The following DEAF1 variants were observed in gnomAD, a reference collection of about 807,000 sequenced individuals.
The protein encoded by DEAF1 is DEAF1 transcription factor.
A neutral mutation model predicts 58.9 loss-of-function variants in DEAF1; 53 were observed. The ratio of observed to expected loss-of-function variants is 0.90; its 90% confidence interval spans 0.72 to 1.13. The LOEUF (loss-of-function observed/expected upper bound fraction) is 1.13. DEAF1 is among the 50% of genes most tolerant of loss of function. DEAF1 has a pLI of 0.00. For synonymous variants in DEAF1, 385 were observed against 340.4 expected (o/e 1.13, Z -1.44); for missense variants, 685 against 791.4 (o/e 0.87, Z 1.61).
At chr11:698,886 G>T (rs200935304), upstream of DEAF1, 46 of 1,614,132 alleles carry the variant, frequency 2.8e-5, no homozygotes, top group African/African-American at 4.4e-4. Flanking sequence ...ATCCTCCACA[G>T]TGGTATCCTG....
intron 10 of DEAF1, among the ~76,000 whole-genome samples, chr11:663,026 C>G (rs1859382150): frequency 6.6e-6 from 1 of 152,226 alleles, no homozygotes; most frequent in African/African-American, 2.4e-5. Context: ...TACTACTGGC[C>G]TGGGGGCCAG....
At chr11:665,421 C>T (rs964228244) in intron 10 of DEAF1, among the ~76,000 whole-genome samples, 3 of 152,192 alleles carry the variant, frequency 2.0e-5, no homozygotes, top group South Asian at 2.1e-4. Context: ...GGGAACACAT[C>T]GCTTCTAACA....
chr11:656,303 T>C (rs1038492426), intron 10 of DEAF1, among the ~76,000 whole-genome samples: 2 of 151,960 alleles, frequency 1.3e-5, no homozygotes, highest in African/African-American at 4.8e-5. Context: ...TTATAGGCGC[T>C]TGCCACCATG....
chr11:699,115 C>T (rs1861330876), upstream of DEAF1: 1 of 530,234 alleles, frequency 1.9e-6, no homozygotes, highest in Admixed American at 3.2e-5. Context: ...GCTAAGCACG[C>T]CACACTGCCG....
intron 1 of DEAF1, among the ~76,000 whole-genome samples, chr11:705,609 C>T (rs1377288689): frequency 5.9e-5 from 9 of 152,134 alleles, no homozygotes; most frequent in Non-Finnish European, 1.3e-4. Flanking sequence ...ACTCAGGGCT[C>T]CAGGCCTGGG....
chr11:670,934 T>TTTTTTTTG lies in DEAF1; in HGVS notation c.1503+3601_1503+3602insCAAAAAAA, dbSNP rs1554940511. Among the ~76,000 whole-genome samples the TTTTTTTTG allele has an allele frequency of 3.0e-5, 4 of 135,470 alleles. 1 individual carries two copies. The highest frequency in any genetic ancestry group is 4.7e-5 in the Non-Finnish European group (3 of 63,354). The allele number at this position is 135,470 out of a possible 152,430, so 88.9% of individuals were successfully genotyped here. ...CATGTCACCACACCTGGCTAATGTTTTTTTTTTTTTTTGAGACAGAGTCTC... is the reference window on the plus strand; with the variant it reads ...CATGTCACCACACCTGGCTAATGTTTTTTTTTTGTTTTTTTTTTTTGAGACAGAGTCTC... On this transcript the variant is annotated intron_variant, in intron 10 of 11. Transcript: ENST00000382409.
chr11:685,086 T>A, intron 5 of DEAF1, 123 bp from the exon 6 acceptor site: 1 of 734,540 alleles, frequency 1.4e-6, no homozygotes, highest in Non-Finnish European at 2.1e-6. Context: ...AAAATTCTTT[T>A]TTTTTTTTTT....
intron 1 of DEAF1, chr11:703,979 C>T: frequency 8.1e-7 from 1 of 1,227,798 alleles, no homozygotes; most frequent in South Asian, 4.0e-5. Context: ...ACTATCAGTT[C>T]TCCTTAAAAA....
intron 7 of DEAF1, 190 bp from the exon 8 acceptor site, chr11:680,006 A>AGGATGACCC: frequency 3.0e-6 from 2 of 667,308 alleles, no homozygotes; most frequent in Non-Finnish European, 2.6e-6. Context: ...GGAGAAAACC[A>AGGATGACCC]GGATGGCCAG....
rs891949482 is a variant in DEAF1 at position 644,796 on chromosome 11, C to T, written c.1594-142G>A. ...GAGAATGCCCTCCCCAGCCCCCGTG[C>T]GCCCAAACTCTGGTGGGCTCTGCTC... On this transcript the variant is annotated intron_variant, in intron 11 of 11. Coordinates refer to ENST00000382409, the MANE Select transcript of DEAF1 (RefSeq NM_021008.4). This position sits in a 1 kb window ranked among gnomAD's most constrained non-coding sequence, Gnocchi z 4.3. 97 of 705,366 alleles carry T rather than the reference C, an allele frequency of 1.4e-4. No homozygotes were observed. The highest frequency in any genetic ancestry group is 1.4e-4 in the Non-Finnish European group (53 of 391,972). The allele number at this position is 705,366 out of a possible 1,614,324, so 43.7% of individuals were successfully genotyped here. A position where few individuals can be genotyped will look rare whatever the true frequency, so the allele number is the denominator to read the frequency against.
intron 1 of DEAF1, chr11:704,402 GTCCTGGGCCGACTTCCT>G: frequency 8.0e-7 from 1 of 1,246,762 alleles, no homozygotes. Context: ...GCACCCAGTT[GTCCTGGGCCGACTTCCT>G]TTGACCTGTC....
chr11:656,086 G>A (rs1227041764), intron 10 of DEAF1, among the ~76,000 whole-genome samples: 6 of 151,316 alleles, frequency 4.0e-5, no homozygotes, highest in East Asian at 2.0e-4. Flanking sequence ...CACCTGAGTC[G>A]GCCCCCCAAA....
chr11:672,624 A>C (rs1338248274), intron 10 of DEAF1, among the ~76,000 whole-genome samples: 2 of 152,314 alleles, frequency 1.3e-5, no homozygotes, highest in Non-Finnish European at 2.9e-5. Flanking sequence ...AGGTGGGTGA[A>C]TCACCTGAGG....
intron 6 of DEAF1, among the ~76,000 whole-genome samples, chr11:682,429 C>T (rs531523256): frequency 6.6e-6 from 1 of 152,342 alleles, no homozygotes; most frequent in East Asian, 1.9e-4. Flanking sequence ...AATGGAACTG[C>T]TGGCCTCCTC....
Position 695,205 on chromosome 11 carries a change from C to A in DEAF1, c.-158G>T. 1.5e-6 allele frequency: 1 copy of A among 647,886 alleles called. No homozygotes were observed. The highest frequency in any genetic ancestry group is 3.4e-5 in the South Asian group (1 of 29,760). The allele number at this position is 647,886 out of a possible 1,614,324, so 40.1% of individuals were successfully genotyped here. ...ACCGAAAAGGCAGCCAGCCGCCGAG[C>A]AGAGCCGAGCCGAGTCCGCCCGCGG... On this transcript the variant is annotated 5_prime_UTR_variant, in exon 1 of 12. Coordinates refer to ENST00000382409, the MANE Select transcript of DEAF1 (RefSeq NM_021008.4).
chr11:668,074 T>C (rs776253508), intron 10 of DEAF1, among the ~76,000 whole-genome samples: 31 of 152,204 alleles, frequency 2.0e-4, no homozygotes, highest in Non-Finnish European at 3.1e-4. Context: ...ATTGTGCCAC[T>C]GCACTCCAGC....
At position 679,605 on chromosome 11, in the gene DEAF1, G is replaced by A; in HGVS notation, c.1126+83C>T. 8 of 1,592,840 alleles carry A rather than the reference G, an allele frequency of 5.0e-6. No individual in the cohort carries two copies. The South Asian group carries it at 8.8e-5, about 18-fold the overall frequency. ...CCTCTCGAGGCACCCAGCAGCCTAT[G>A]CAGCCCAATGTGGCGTCGGGGATGT... On this transcript the variant is annotated intron_variant, in intron 8 of 11. Transcript: ENST00000382409.
At chr11:653,140 T>G (rs1858863464) in intron 11 of DEAF1, among the ~76,000 whole-genome samples, 1 of 150,096 alleles carries the variant, frequency 6.7e-6, no homozygotes, top group South Asian at 2.1e-4. Flanking sequence ...AGTACTCTGA[T>G]TATGGTAGAC....
In DEAF1 at chr11:691,490, G is replaced by T. The variant is rs1329776613; in HGVS notation, c.387+11C>A. The T allele has an allele frequency of 1.2e-6, 2 of 1,610,952 alleles. No homozygotes were observed. Among genetic ancestry groups the T allele is most frequent in the South Asian group, 1.1e-5 (1 of 91,030 alleles). ...CACCCGCCCTGGGCTGTGCCCCTCG[G>T]AGCAGCTTACCAGAACATGTCCTGA... On this transcript the variant is annotated intron_variant, in intron 2 of 11. Coordinates refer to ENST00000382409, the MANE Select transcript of DEAF1 (RefSeq NM_021008.4).
Sources: gnomAD v4.1 joint callset for allele counts (sites outside exome capture counted in the v4.1 genomes callset) on GRCh38, gnomAD v4.1.1 for gene constraint, Gnocchi (gnomAD v3.1) non-coding constraint, MANE v1.5 for transcripts, NCBI Gene and HGNC (gene_info 2026-07-23, HGNC 2026-07-21) for gene names.